The following ANKRD10 variants were observed in gnomAD, a reference collection of about 807,000 sequenced individuals.
ANKRD10 encodes ankyrin repeat domain-containing protein 10.
A neutral mutation model predicts 27.0 loss-of-function variants in ANKRD10; 14 were observed. That is an observed-to-expected ratio of 0.52 (90% CI 0.34 to 0.81). ANKRD10 has a LOEUF of 0.81. Among genes scored for constraint, ANKRD10 ranks in the 40% least tolerant of loss-of-function variants. ANKRD10 has a pLI of 0.01. For missense variants in ANKRD10, 493 were observed against 544.0 expected (o/e 0.91, Z 0.93); for synonymous variants, 250 against 224.5 (o/e 1.11, Z -1.01).
chr13:110,890,647 C>CA (rs1300994532), intron 4 of ANKRD10, among the ~76,000 whole-genome samples: 5 of 152,210 alleles, frequency 3.3e-5, no homozygotes, highest in African/African-American at 1.2e-4. Context: ...ACAGAAACAT[C>CA]AGTCATGTAC....
At chr13:110,911,920 AAT>A (rs1029174185) in intron 1 of ANKRD10, 1 of 152,262 alleles carries the variant, frequency 6.6e-6, no homozygotes, top group African/African-American at 2.4e-5. Flanking sequence ...TTGAATAATC[AAT>A]AGAGGCCCCA....
At chr13:110,883,901 C>T (rs1004689824) in intron 4 of ANKRD10, 108 bp from the exon 5 acceptor site, 7 of 1,045,904 alleles carry the variant, frequency 6.7e-6, no homozygotes, top group Non-Finnish European at 6.5e-6. Flanking sequence ...TTTAAACAAT[C>T]ACATAAAAAA....
intron 4 of ANKRD10, among the ~76,000 whole-genome samples, chr13:110,889,106 A>C (rs1318098742): frequency 7.6e-6 from 1 of 131,312 alleles, no homozygotes; most frequent in Non-Finnish European, 1.8e-5. Flanking sequence ...ATCATTGAAA[A>C]ACGACCACAG....
chr13:110,902,047 T>C (rs2065397269), intron 3 of ANKRD10, among the ~76,000 whole-genome samples: 1 of 35,776 alleles, frequency 2.8e-5, no homozygotes, highest in African/African-American at 8.8e-5. Flanking sequence ...TGTCTCTTTT[T>C]AGAAAAAAAA....
Position 110,888,781 on chromosome 13 carries a change from G to A in ANKRD10, c.691+4247C>T, listed in dbSNP as rs1447400452. Among the ~76,000 whole-genome samples the A allele has an allele frequency of 2.0e-5, 3 of 152,144 alleles. No homozygotes were observed. The South Asian group carries it at 6.2e-4, about 31-fold the overall frequency. On this transcript the variant is annotated intron_variant, in intron 4 of 5. Coordinates refer to ENST00000267339, the MANE Select transcript of ANKRD10 (RefSeq NM_017664.4). ...AATTTTACCTTTAAATCATCATGTT[G>A]TAGATACTTTTTTCTGTAAGGTGTT...
At chr13:110,902,904 T>C (rs2065424480) in intron 3 of ANKRD10, among the ~76,000 whole-genome samples, 1 of 152,128 alleles carries the variant, frequency 6.6e-6, no homozygotes, top group Non-Finnish European at 1.5e-5. Flanking sequence ...CTCAAGAAAA[T>C]AAACACAAAT....
At chr13:110,906,221 C>CT in intron 2 of ANKRD10, 97 bp from the exon 3 acceptor site, 1 of 925,950 alleles carries the variant, frequency 1.1e-6, no homozygotes, top group Non-Finnish European at 1.6e-6. Flanking sequence ...CCTTCTCATC[C>CT]TTTTTTGAAG....
intron 3 of ANKRD10, among the ~76,000 whole-genome samples, chr13:110,904,600 G>T (rs779107344): frequency 6.6e-6 from 1 of 152,128 alleles, no homozygotes; most frequent in Admixed American, 6.5e-5. Context: ...ATTTTATAAT[G>T]AAAGTTTGTT....
chr13:110,890,632 T>C (rs1218479800), intron 4 of ANKRD10, among the ~76,000 whole-genome samples: 1 of 152,198 alleles, frequency 6.6e-6, no homozygotes, highest in Non-Finnish European at 1.5e-5. Flanking sequence ...TCAACTGTGA[T>C]AATCACAGAA....
intron 3 of ANKRD10, among the ~76,000 whole-genome samples, chr13:110,897,219 T>C (rs1030763307): frequency 3.3e-5 from 5 of 151,610 alleles, no homozygotes; most frequent in African/African-American, 1.2e-4. Flanking sequence ...CTGGAACTCC[T>C]GGGCTAAGGG....
intron 4 of ANKRD10, chr13:110,892,777 A>G (rs1374406343): frequency 3.3e-6 from 4 of 1,213,954 alleles, no homozygotes; most frequent in Non-Finnish European, 4.1e-6. Context: ...GCAGGTAAAC[A>G]TGGGTGCTCA....
chr13:110,893,076 ATC>A lies in ANKRD10; in HGVS notation c.641_642del (p.Arg214MetfsTer14). 1 of 1,614,236 alleles carries A rather than the reference ATC, an allele frequency of 6.2e-7. No individual in the cohort carries two copies. The highest frequency in any genetic ancestry group is 8.5e-7 in the Non-Finnish European group (1 of 1,180,028). ...NHISVGTNRK[R>X]CLEDSEDFGV... ...CCAAAGTCTTCTGAGTCTTCCAAGC[ATC>A]TCTTTCGATTTGTTCCCACACTAAT... On this transcript the variant is annotated frameshift_variant, in exon 4 of 6. Coordinates refer to ENST00000267339, the MANE Select transcript of ANKRD10 (RefSeq NM_017664.4). LOFTEE classifies it high-confidence loss of function.
chr13:110,880,027 C>A lies in ANKRD10; in HGVS notation c.873G>T (p.Pro291=). ...CATTCCTGCTTTCCATCCCACTGAG[C>A]GGGGTCGTGGAGGGGAAGTCCAAAT... ...NGHLDFPSTT[P]LSGMESRNGQ... Residue 291 remains proline, a synonymous_variant, in exon 6 of 6, where the codon CCG becomes CCT. Transcript: ENST00000267339. 1 of 1,614,144 alleles carries A rather than the reference C, an allele frequency of 6.2e-7. No homozygotes were observed. Among genetic ancestry groups the A allele is most frequent in the East Asian group, 2.2e-5 (1 of 44,888 alleles).
intron 3 of ANKRD10, among the ~76,000 whole-genome samples, chr13:110,901,828 C>T (rs993449663): frequency 2.6e-5 from 4 of 152,082 alleles, no homozygotes; most frequent in African/African-American, 9.7e-5. Context: ...ACTGCTTGAG[C>T]CCAGGAGTTT....
At chr13:110,913,751 C>T (rs7983431) in intron 1 of ANKRD10, among the ~76,000 whole-genome samples, 48,987 of 152,042 alleles carry the variant, frequency 0.32, 8,444 homozygotes, top group Non-Finnish European at 0.39. Flanking sequence ...CATCTCATCA[C>T]TTACGAGAAA....
At chr13:110,894,237 T>A in intron 3 of ANKRD10, 1 of 1,473,074 alleles carries the variant, frequency 6.8e-7, no homozygotes, top group Non-Finnish European at 9.5e-7. Context: ...AGCTGCAGGT[T>A]GATAAACAAA....
intron 1 of ANKRD10, among the ~76,000 whole-genome samples, chr13:110,912,254 G>C (rs1391800502): frequency 6.6e-6 from 1 of 152,180 alleles, no homozygotes; most frequent in Non-Finnish European, 1.5e-5. Context: ...CTCACCTGAA[G>C]ACAAAACACC....
intron 3 of ANKRD10, among the ~76,000 whole-genome samples, chr13:110,898,680 C>T (rs2065294053): frequency 6.6e-6 from 1 of 152,070 alleles, no homozygotes; most frequent in Admixed American, 6.5e-5. Flanking sequence ...TCAGGTGCTC[C>T]TCCCACTTCA....
intron 3 of ANKRD10, chr13:110,900,432 G>C (rs1207614921): frequency 2.2e-5 from 19 of 878,588 alleles, no homozygotes; most frequent in Non-Finnish European, 2.6e-5. Flanking sequence ...CAAATAGAAA[G>C]GTAGATATCA....
Sources: gnomAD v4.1 joint callset for allele counts (sites outside exome capture counted in the v4.1 genomes callset) on GRCh38, gnomAD v4.1.1 for gene constraint, MANE v1.5 for transcripts, NCBI Gene and HGNC (gene_info 2026-07-23, HGNC 2026-07-21) for gene names.